Variants in ARHGAP8 observed in about 807,000 individuals in gnomAD.
ARHGAP8 encodes Rho GTPase activating protein 8.
Under a neutral mutation model 46.1 loss-of-function variants are expected in ARHGAP8, and 62 were observed. That is an observed-to-expected ratio of 1.34 (90% CI 1.10 to 1.66). ARHGAP8 has a LOEUF of 1.66. ARHGAP8 is among the 40% of genes most tolerant of loss of function. The pLI is 0.00. For missense variants in ARHGAP8, 923 were observed against 568.4 expected (o/e 1.62, Z -6.34); for synonymous variants, 375 against 243.1 (o/e 1.54, Z -5.05).
chr22:44,756,875 T>C (rs1312502501), intron 1 of ARHGAP8, among the ~76,000 whole-genome samples: 2 of 152,072 alleles, frequency 1.3e-5, no homozygotes, highest in African/African-American at 4.8e-5. Context: ...CACTTTTTTT[T>C]CCGCATTACT....
intron 1 of ARHGAP8, among the ~76,000 whole-genome samples, chr22:44,769,874 T>G (rs1183055927): frequency 1.3e-5 from 2 of 152,136 alleles, no homozygotes; most frequent in Admixed American, 6.6e-5. Context: ...ATTCAGAGGC[T>G]AGGGTTTCTC....
chr22:44,827,060 G>T (rs995694511), intron 7 of ARHGAP8, among the ~76,000 whole-genome samples: 2 of 152,144 alleles, frequency 1.3e-5, no homozygotes, highest in African/African-American at 4.8e-5. Flanking sequence ...TCTTGGGATG[G>T]GAGGTTATCT....
At chr22:44,758,239 A>G (rs1489781353) in intron 1 of ARHGAP8, among the ~76,000 whole-genome samples, 1 of 152,142 alleles carries the variant, frequency 6.6e-6, no homozygotes, top group Non-Finnish European at 1.5e-5. Context: ...TCACAAGGTC[A>G]GGAGATTGAG....
At chr22:44,829,390 C>A (rs938166578) in intron 7 of ARHGAP8, among the ~76,000 whole-genome samples, 1 of 152,178 alleles carries the variant, frequency 6.6e-6, no homozygotes, top group Non-Finnish European at 1.5e-5. Flanking sequence ...TTAGCCATGG[C>A]TGTAGGCCTC....
chr22:44,824,028 G>A (rs182780437), intron 6 of ARHGAP8, among the ~76,000 whole-genome samples: 1 of 152,266 alleles, frequency 6.6e-6, no homozygotes, highest in African/African-American at 2.4e-5. Context: ...TTTTAAATGA[G>A]CAGCTTCTAG....
intron 11 of ARHGAP8, 135 bp downstream of exon 11, chr22:44,859,969 C>A (rs141313257): frequency 1.9e-6 from 2 of 1,063,514 alleles, no homozygotes; most frequent in Admixed American, 2.6e-5. Context: ...CCACTCCCTG[C>A]CCCCCAAGGA....
chr22:44,817,979 G>A (rs577781447), intron 5 of ARHGAP8, among the ~76,000 whole-genome samples: 2 of 152,258 alleles, frequency 1.3e-5, no homozygotes, highest in Non-Finnish European at 1.5e-5. Context: ...GCCAGGCATG[G>A]TGGCGCGTAC....
At chr22:44,772,532 C>T (rs1234708041) in intron 1 of ARHGAP8, among the ~76,000 whole-genome samples, 1 of 151,080 alleles carries the variant, frequency 6.6e-6, no homozygotes, top group East Asian at 1.9e-4. Context: ...GAAACAAACC[C>T]TTGTTGGTCA....
At position 44,856,705 on chromosome 22, in the gene ARHGAP8, T is replaced by C. The variant is rs12484873; in HGVS notation, c.878-3026T>C. Among the ~76,000 whole-genome samples the C allele has an allele frequency of 6.4e-3, 929 of 144,298 alleles. 131 individuals are homozygous for C. The highest frequency in any genetic ancestry group is 0.043 in the East Asian group (217 of 5,082). 94.7% of individuals were successfully genotyped at this position (144,298 alleles called of 152,430 possible). ...AGAATCGTATCCCATGATTCTCCTC[T>C]TCACAACAAAGGACCCAAGAGACAG... On this transcript the variant is annotated intron_variant, in intron 10 of 11. Coordinates refer to ENST00000356099, the MANE Select transcript of ARHGAP8 (RefSeq NM_181335.3).
intron 1 of ARHGAP8, among the ~76,000 whole-genome samples, chr22:44,764,352 G>C (rs5764992): frequency 0.22 from 33,604 of 152,206 alleles, 3,986 homozygotes; most frequent in East Asian, 0.45. Flanking sequence ...CGATGAGGAA[G>C]AGGAGAGGGG....
At chr22:44,763,044 A>G (rs191180333) in intron 1 of ARHGAP8, among the ~76,000 whole-genome samples, 7 of 152,274 alleles carry the variant, frequency 4.6e-5, no homozygotes, top group African/African-American at 1.4e-4. Context: ...TGATTTATCC[A>G]ATGACGCCTA....
intron 5 of ARHGAP8, among the ~76,000 whole-genome samples, chr22:44,820,315 A>G (rs1930037456): frequency 1.3e-5 from 2 of 152,070 alleles, no homozygotes; most frequent in South Asian, 4.1e-4. Flanking sequence ...TGCAGAGAGG[A>G]AGGTGAGGGG....
chr22:44,803,283 G>A (rs77422523), intron 3 of ARHGAP8, among the ~76,000 whole-genome samples: 71 of 152,260 alleles, frequency 4.7e-4, no homozygotes, highest in Non-Finnish European at 6.5e-4. Context: ...GTGGGGGGCC[G>A]TAGAAAATCA....
At chr22:44,807,794 C>T (rs1418841977) in intron 3 of ARHGAP8, among the ~76,000 whole-genome samples, 1 of 152,212 alleles carries the variant, frequency 6.6e-6, no homozygotes, top group African/African-American at 2.4e-5. Context: ...AGGCTGTCAG[C>T]AGTCCTGGGC....
chr22:44,848,186 G>C, intron 9 of ARHGAP8, 136 bp downstream of exon 9: 1 of 1,292,538 alleles, frequency 7.7e-7, no homozygotes, highest in South Asian at 1.4e-5. Flanking sequence ...GGTGGGGGCA[G>C]CTTCCCAGGA....
At chr22:44,791,380 CTT>C (rs569853545) in intron 2 of ARHGAP8, among the ~76,000 whole-genome samples, 3 of 152,248 alleles carry the variant, frequency 2.0e-5, no homozygotes, top group African/African-American at 7.2e-5. Flanking sequence ...AGATAGTTCT[CTT>C]GTGTTGGAGC....
rs76060959 is a variant in ARHGAP8, at chr22:44,859,834, G to C, written c.981G>C (p.Ala327=). 218 of 1,613,320 alleles carry C rather than the reference G, an allele frequency of 1.4e-4. No individual in the cohort carries two copies. Among genetic ancestry groups the C allele is most frequent in the Middle Eastern group, 1.3e-3 (8 of 6,056 alleles). ...VLRYLMGFLH[A]VSRESIFNKM... is the part of the protein sequence containing the mutation. ...GCTACCTCATGGGCTTCCTGCATGC[G>C]GTGAGTGGGGAAGGGGGGAGCTTGG... The change falls in exon 11 of 12, where the codon GCG becomes GCC. Residue 327 remains alanine (A), a splice_region_variant and synonymous_variant. Coordinates refer to ENST00000356099, the MANE Select transcript of ARHGAP8 (RefSeq NM_181335.3).
intron 2 of ARHGAP8, among the ~76,000 whole-genome samples, chr22:44,796,352 G>A (rs891815735): frequency 1.3e-5 from 2 of 152,158 alleles, no homozygotes; most frequent in Admixed American, 6.5e-5. Flanking sequence ...ATGGTGGGCT[G>A]GGGTGCAGGG....
chr22:44,753,523 A>G (rs926778426), intron 1 of ARHGAP8, among the ~76,000 whole-genome samples: 9 of 151,366 alleles, frequency 5.9e-5, no homozygotes, highest in African/African-American at 2.2e-4. Flanking sequence ...GCCCGGCCTA[A>G]AAGCCCAAAG....
Sources: allele counts gnomAD v4.1 joint callset (sites outside exome capture counted in the v4.1 genomes callset), GRCh38; gene constraint gnomAD v4.1.1; transcripts MANE v1.5; gene names NCBI Gene and HGNC (gene_info 2026-07-23, HGNC 2026-07-21).